Variants in PCDHA13 observed in about 807,000 individuals in gnomAD.
The protein encoded by PCDHA13 is protocadherin alpha 13.
Under a neutral mutation model 64.8 loss-of-function variants are expected in PCDHA13, and 54 were observed. That is an observed-to-expected ratio of 0.83 (90% CI 0.67 to 1.04). The LOEUF (loss-of-function observed/expected upper bound fraction) is 1.04. Among genes scored for constraint, PCDHA13 ranks in the 50% least tolerant of loss-of-function variants. The pLI, the probability that PCDHA13 is intolerant of heterozygous loss-of-function variation, is 0.00. For missense variants in PCDHA13, 1,248 were observed against 1,254.3 expected (o/e 0.99, Z 0.08); for synonymous variants, 587 against 564.4 (o/e 1.04, Z -0.57).
rs193096250 is a variant in PCDHA13 at position 140,998,611 on chromosome 5, C to A, written c.2543-11016C>A. Among the ~76,000 whole-genome samples, 28 of 151,482 alleles carry A rather than the reference C, an allele frequency of 1.8e-4. No individual in the cohort carries two copies. The East Asian group carries it at 5.2e-3, about 28-fold the overall frequency. ...CAGAGTTTTGCTCTTGTTGCCCAGG[C>A]TGGAGTGCAATGGCACAATCTCAGC... On this transcript the variant is annotated intron_variant, in intron 3 of 3. Transcript: ENST00000289272.
At chr5:140,917,127 C>T (rs1286418907) in intron 1 of PCDHA13, among the ~76,000 whole-genome samples, 1 of 152,072 alleles carries the variant, frequency 6.6e-6, no homozygotes, top group African/African-American at 2.4e-5. Context: ...CGCAGACTCC[C>T]CACGTTGCTC....
intron 1 of PCDHA13, among the ~76,000 whole-genome samples, chr5:140,949,300 G>T (rs1373100269): frequency 1.3e-5 from 2 of 151,534 alleles, no homozygotes; most frequent in Non-Finnish European, 1.5e-5. Flanking sequence ...GTAATTGTTG[G>T]GTGTAATGAT....
intron 1 of PCDHA13, chr5:140,928,607 G>T: frequency 1.2e-6 from 2 of 1,614,188 alleles, no homozygotes; most frequent in Non-Finnish European, 1.7e-6. Context: ...ATTGTGCCCC[G>T]CTCTGCCAGG....
chr5:140,890,702 A>G (rs552792120), intron 1 of PCDHA13, among the ~76,000 whole-genome samples: 1 of 152,318 alleles, frequency 6.6e-6, no homozygotes, highest in African/African-American at 2.4e-5. Flanking sequence ...GGGACCTTAC[A>G]TTTTTAAAAT....
At chr5:140,902,313 C>T (rs2069368502) in intron 1 of PCDHA13, among the ~76,000 whole-genome samples, 1 of 150,820 alleles carries the variant, frequency 6.6e-6, no homozygotes, top group African/African-American at 2.4e-5. Context: ...GCTGGGATTA[C>T]AGGTGTAACT....
At position 141,011,371 on chromosome 5, in the gene PCDHA13, G is replaced by A. The variant is rs782444449; in HGVS notation, c.*1434G>A. 6.5e-6 allele frequency: 1 copy of A among 153,724 alleles called. No homozygotes were observed. The highest frequency in any genetic ancestry group is 1.5e-5 in the Non-Finnish European group (1 of 68,022). 9.5% of individuals were successfully genotyped at this position (153,724 alleles called of 1,614,324 possible). On this transcript the variant is annotated 3_prime_UTR_variant, in exon 4 of 4. Transcript: ENST00000289272. ...CTCCCATATGTATGCTGTATGCTAT[G>A]CTAAGACTCCTGAAATATACTTACT...
At chr5:140,904,107 T>A (rs1214453471) in intron 1 of PCDHA13, among the ~76,000 whole-genome samples, 3 of 152,216 alleles carry the variant, frequency 2.0e-5, no homozygotes, top group Non-Finnish European at 4.4e-5. Context: ...TAGTGGTCAT[T>A]GCTGAGATTT....
intron 1 of PCDHA13, among the ~76,000 whole-genome samples, chr5:140,886,682 G>A (rs181377286): frequency 6.6e-6 from 1 of 151,618 alleles, no homozygotes. Context: ...AAAAATTAGC[G>A]AGGCATGGTG....
chr5:140,921,151 ATTT>A (rs11299094), intron 1 of PCDHA13, among the ~76,000 whole-genome samples: 3 of 151,512 alleles, frequency 2.0e-5, no homozygotes, highest in South Asian at 2.1e-4. Context: ...CAGCTAATGC[ATTT>A]TTTTTTTAAC....
At chr5:140,974,879 A>G (rs1259634156) in intron 1 of PCDHA13, among the ~76,000 whole-genome samples, 1 of 152,212 alleles carries the variant, frequency 6.6e-6, no homozygotes, top group Non-Finnish European at 1.5e-5. Flanking sequence ...CAGTCTATGT[A>G]TCCCTTTTCT....
At chr5:140,891,223 C>T (rs903810382) in intron 1 of PCDHA13, among the ~76,000 whole-genome samples, 19 of 152,110 alleles carry the variant, frequency 1.2e-4, no homozygotes, top group Non-Finnish European at 2.2e-4. Flanking sequence ...TCTTTATAAT[C>T]ATCCTGTTCT....
intron 1 of PCDHA13, among the ~76,000 whole-genome samples, chr5:140,961,208 A>T (rs1268712075): frequency 1.3e-5 from 2 of 152,164 alleles, no homozygotes; most frequent in African/African-American, 4.8e-5. Flanking sequence ...GTTGGTATTG[A>T]TGAAGAAACT....
intron 3 of PCDHA13, among the ~76,000 whole-genome samples, chr5:141,007,395 C>CAAAAAAAAAAAAAA (rs35800918): frequency 1.1e-5 from 1 of 94,866 alleles, no homozygotes; most frequent in Non-Finnish European, 2.1e-5. Context: ...TACTAAAATA[C>CAAAAAAAAAAAAAA]AAAAAAAAAA....
chr5:140,905,991 G>C (rs1377300111), intron 1 of PCDHA13, among the ~76,000 whole-genome samples: 1 of 152,156 alleles, frequency 6.6e-6, no homozygotes, highest in Non-Finnish European at 1.5e-5. Flanking sequence ...AAAGATGTAG[G>C]CTGGGAGGCT....
chr5:140,954,046 G>T (rs1554221229), intron 1 of PCDHA13, among the ~76,000 whole-genome samples: 1 of 152,124 alleles, frequency 6.6e-6, no homozygotes, highest in East Asian at 1.9e-4. Context: ...TTGGTTTTCT[G>T]TTCCTGCATT....
intron 1 of PCDHA13, among the ~76,000 whole-genome samples, chr5:140,935,422 A>G (rs2090365671): frequency 6.6e-6 from 1 of 152,228 alleles, no homozygotes; most frequent in South Asian, 2.1e-4. Context: ...TTAGAAAACA[A>G]TTTCAGCACT....
intron 1 of PCDHA13, among the ~76,000 whole-genome samples, chr5:140,914,956 T>C (rs2076915145): frequency 6.6e-6 from 1 of 150,718 alleles, no homozygotes; most frequent in African/African-American, 2.4e-5. Flanking sequence ...TTTTTTTTTT[T>C]TTTTTTCTGA....
chr5:140,941,673 A>T (rs1217189957), intron 1 of PCDHA13, among the ~76,000 whole-genome samples: 1 of 152,024 alleles, frequency 6.6e-6, no homozygotes, highest in Non-Finnish European at 1.5e-5. Context: ...TGTCAAGTTC[A>T]ATATTCTGTT....
chr5:140,925,254 A>G (rs1554202655), intron 1 of PCDHA13, among the ~76,000 whole-genome samples: 1 of 152,188 alleles, frequency 6.6e-6, no homozygotes, highest in African/African-American at 2.4e-5. Context: ...GGAAACTTTA[A>G]TTCTTGATCT....
Sources: gnomAD v4.1 joint callset for allele counts (sites outside exome capture counted in the v4.1 genomes callset) on GRCh38, gnomAD v4.1.1 for gene constraint, MANE v1.5 for transcripts, NCBI Gene and HGNC (gene_info 2026-07-23, HGNC 2026-07-21) for gene names.